Variants in ARHGEF7 observed in about 807,000 individuals in gnomAD.
The protein encoded by ARHGEF7 is PAK-interacting exchange factor beta.
Under a neutral mutation model 109.8 loss-of-function variants are expected in ARHGEF7, and 33 were observed. The observed-to-expected ratio is 0.30, with a 90% CI of 0.23 to 0.40. ARHGEF7 has a LOEUF of 0.40. ARHGEF7 is among the 10% of genes least tolerant of loss of function. The probability of loss-of-function intolerance (pLI) is 1.00; values close to 1 mark genes in which losing one functional copy is unlikely to be tolerated. For missense variants in ARHGEF7, 938 were observed against 1,098.5 expected (o/e 0.85, Z 2.07); for synonymous variants, 458 against 424.6 (o/e 1.08, Z -0.97).
intron 21 of ARHGEF7, among the ~76,000 whole-genome samples, chr13:111,302,284 C>A (rs199756780): frequency 2.0e-5 from 3 of 152,116 alleles, no homozygotes; most frequent in East Asian, 3.9e-4. Flanking sequence ...GTGTTCATTG[C>A]ACGGAATGTG....
chr13:111,291,972 T>A (rs980401937), intron 18 of ARHGEF7, 146 bp from the exon 19 acceptor site: 1 of 672,346 alleles, frequency 1.5e-6, no homozygotes, highest in African/African-American at 1.8e-5. Context: ...AAATATGCAT[T>A]GTTGCCAATT....
chr13:111,144,555 A>G (rs2075495851), intron 1 of ARHGEF7: 1 of 152,258 alleles, frequency 6.6e-6, no homozygotes, highest in Non-Finnish European at 1.5e-5. Context: ...GTGGAAGAGC[A>G]TAATTCCTGA....
intron 1 of ARHGEF7, among the ~76,000 whole-genome samples, chr13:111,119,040 C>T (rs1316927321): frequency 2.0e-5 from 3 of 152,194 alleles, no homozygotes; most frequent in Non-Finnish European, 4.4e-5. Flanking sequence ...ACCTGCAGGG[C>T]CTCGTGCCCT....
intron 5 of ARHGEF7, among the ~76,000 whole-genome samples, chr13:111,224,224 C>T (rs1182436302): frequency 1.5e-5 from 2 of 131,478 alleles, no homozygotes; most frequent in East Asian, 4.8e-4. Context: ...CACTCTTACT[C>T]CCTTGCTTCA....
At chr13:111,184,514 A>G (rs954138525) in intron 2 of ARHGEF7, among the ~76,000 whole-genome samples, 2 of 151,946 alleles carry the variant, frequency 1.3e-5, no homozygotes, top group Non-Finnish European at 2.9e-5. Flanking sequence ...AACCCAGAGA[A>G]CCCGCTGGCA....
intron 8 of ARHGEF7, among the ~76,000 whole-genome samples, chr13:111,250,352 G>A (rs150344345): frequency 2.6e-5 from 4 of 152,338 alleles, no homozygotes; most frequent in South Asian, 2.1e-4. Context: ...CACCACGTGC[G>A]TGATGCTGGC....
Position 111,188,701 on chromosome 13 carries a change from G to A in ARHGEF7, c.253-16588G>A, listed in dbSNP as rs550048197. Among the ~76,000 whole-genome samples the A allele has an allele frequency of 2.6e-5, 4 of 152,346 alleles. No homozygotes were observed. In the South Asian group the frequency reaches 6.2e-4, roughly 24 times the overall value. On this transcript the variant is annotated intron_variant, in intron 2 of 21. Transcript: ENST00000646102. ...TTTGCCATGGAATACATACTGTGTT[G>A]ATAAGTCTTCCTTATTTTGAATAAT...
chr13:111,236,160 C>A (rs1479987087), intron 6 of ARHGEF7, among the ~76,000 whole-genome samples: 1 of 152,166 alleles, frequency 6.6e-6, no homozygotes, highest in Non-Finnish European at 1.5e-5. Flanking sequence ...TCTCTCCTCT[C>A]CTTCTGGGAC....
At chr13:111,251,630 G>T (rs1189201184) in intron 8 of ARHGEF7, among the ~76,000 whole-genome samples, 2 of 152,176 alleles carry the variant, frequency 1.3e-5, no homozygotes, top group African/African-American at 2.4e-5. Flanking sequence ...ATCATTCAGT[G>T]GTAATTTTGT....
In ARHGEF7 at chr13:111,280,578, G is replaced by C. The variant is rs931735473; in HGVS notation, c.1626G>C (p.Gln542His). 5.0e-6 allele frequency: 8 copies of C among 1,612,052 alleles called. No individual in the cohort carries two copies. The highest frequency in any genetic ancestry group is 4.5e-5 in the East Asian group (2 of 44,838). The change falls in exon 15 of 22, where the codon CAG becomes CAC. Residue 542 changes from glutamine (Q) to histidine (H), a missense_variant. Transcript: ENST00000646102. ...GGATATTAGTGTCGTGCAACAACCAGCAGGATCTGCAGGAATGGGTGGAGC... is the reference window on the plus strand; with the variant it reads ...GGATATTAGTGTCGTGCAACAACCACCAGGATCTGCAGGAATGGGTGGAGC... ...IERILVSCNNQQDLQEWVEHL... is the reference protein window; with the variant it reads ...IERILVSCNNHQDLQEWVEHL...
intron 2 of ARHGEF7, among the ~76,000 whole-genome samples, chr13:111,202,526 C>T (rs896223845): frequency 4.6e-5 from 7 of 152,222 alleles, no homozygotes; most frequent in African/African-American, 1.2e-4. Context: ...CCTCCTGCTG[C>T]TCCTTGCCAT....
intron 2 of ARHGEF7, among the ~76,000 whole-genome samples, chr13:111,162,570 A>G (rs2076827810): frequency 6.6e-6 from 1 of 152,212 alleles, no homozygotes; most frequent in African/African-American, 2.4e-5. Context: ...GAGAGACTTC[A>G]GAAGGAGTTC....
intron 16 of ARHGEF7, among the ~76,000 whole-genome samples, chr13:111,284,463 T>C (rs914844183): frequency 2.0e-5 from 3 of 152,214 alleles, no homozygotes; most frequent in African/African-American, 7.2e-5. Context: ...ACTTGAAGAA[T>C]GTTGCTGTTC....
At chr13:111,156,881 A>G (rs2076379528) in intron 2 of ARHGEF7, among the ~76,000 whole-genome samples, 1 of 152,260 alleles carries the variant, frequency 6.6e-6, no homozygotes, top group Non-Finnish European at 1.5e-5. Context: ...GTAAATGTCA[A>G]GGTGCTTTTC....
intron 2 of ARHGEF7, among the ~76,000 whole-genome samples, chr13:111,181,566 A>C (rs1369963767): frequency 6.6e-6 from 1 of 152,158 alleles, no homozygotes; most frequent in Non-Finnish European, 1.5e-5. Flanking sequence ...GAGAACTTGG[A>C]GTATTTCTCC....
chr13:111,262,514 G>C (rs989697461), intron 8 of ARHGEF7, among the ~76,000 whole-genome samples: 3 of 152,164 alleles, frequency 2.0e-5, no homozygotes, highest in African/African-American at 7.2e-5. Context: ...AGGCTGCTGG[G>C]TTCCTTGCGG....
In ARHGEF7 at chr13:111,129,731, T is replaced by C. The variant is rs186152514; in HGVS notation, c.165+14040T>C. Among the ~76,000 whole-genome samples, 6 of 152,306 alleles carry C rather than the reference T, an allele frequency of 3.9e-5. No homozygotes were observed. The East Asian group carries it at 9.6e-4, about 24-fold the overall frequency. On this transcript the variant is annotated intron_variant, in intron 1 of 21. Transcript: ENST00000646102. ...TCTAACAGAGTGATCCTCCCAAGTG[T>C]TAGCGTGTATGTGAGGGAACCAGCA... is the stretch of plus-strand genomic sequence containing the variant.
chr13:111,267,721 C>A (rs748381977), intron 9 of ARHGEF7, 51 bp downstream of exon 9: 1 of 1,603,704 alleles, frequency 6.2e-7, no homozygotes, highest in Admixed American at 1.7e-5. Context: ...GCTCTGTGTC[C>A]TTCAAATAGT....
chr13:111,288,746 G>T (rs1462058943), intron 18 of ARHGEF7, among the ~76,000 whole-genome samples: 7 of 152,190 alleles, frequency 4.6e-5, no homozygotes, highest in African/African-American at 7.2e-5. Context: ...AAGAGAAGAC[G>T]TGTTTAGAAG....
Sources: gnomAD v4.1 joint callset for allele counts (sites outside exome capture counted in the v4.1 genomes callset) on GRCh38, gnomAD v4.1.1 for gene constraint, MANE v1.5 for transcripts, NCBI Gene and HGNC (gene_info 2026-07-23, HGNC 2026-07-21) for gene names.